The following CSGALNACT1 variants were observed in gnomAD, a reference collection of about 807,000 sequenced individuals.
CSGALNACT1 encodes the protein chondroitin sulfate N-acetylgalactosaminyltransferase 1.
Under a neutral mutation model 51.0 loss-of-function variants are expected in CSGALNACT1, and 52 were observed. The observed-to-expected ratio is 1.02, with a 90% CI of 0.82 to 1.29. CSGALNACT1 has a LOEUF of 1.29. Ranked by LOEUF, CSGALNACT1 falls within the 50% of genes most tolerant of loss-of-function variation. CSGALNACT1 has a pLI of 0.00. For missense variants in CSGALNACT1, 935 were observed against 679.2 expected (o/e 1.38, Z -4.19); for synonymous variants, 341 against 254.4 (o/e 1.34, Z -3.24).
At chr8:19,469,022 G>C (rs1395381089) in intron 4 of CSGALNACT1, among the ~76,000 whole-genome samples, 1 of 152,074 alleles carries the variant, frequency 6.6e-6, no homozygotes, top group Admixed American at 6.6e-5. Context: ...CAGCATCAAG[G>C]AACCCAACAG....
intron 3 of CSGALNACT1, among the ~76,000 whole-genome samples, chr8:19,586,884 T>C (rs2046781894): frequency 6.6e-6 from 1 of 152,210 alleles, no homozygotes; most frequent in Non-Finnish European, 1.5e-5. Flanking sequence ...CATTACATAG[T>C]ATTTTCCCAA....
chr8:19,568,179 A>C (rs1295838998), intron 3 of CSGALNACT1, among the ~76,000 whole-genome samples: 3 of 152,216 alleles, frequency 2.0e-5, no homozygotes, highest in Non-Finnish European at 2.9e-5. Flanking sequence ...TTAATCATGC[A>C]AACATCATAT....
At chr8:19,418,933 G>T (rs1388478587) in intron 7 of CSGALNACT1, among the ~76,000 whole-genome samples, 183 bp from the exon 7 acceptor site, 1 of 151,978 alleles carries the variant, frequency 6.6e-6, no homozygotes, top group Non-Finnish European at 1.5e-5. Context: ...TGCAATCTCT[G>T]CCTCCTGGGT....
chr8:19,651,344 G>A (rs1324300549), intron 1 of CSGALNACT1, among the ~76,000 whole-genome samples: 1 of 151,996 alleles, frequency 6.6e-6, no homozygotes, highest in Non-Finnish European at 1.5e-5. Context: ...CAGACATTCT[G>A]TACACAGATT....
At chr8:19,605,387 G>C (rs2051225307), upstream of CSGALNACT1, among the ~76,000 whole-genome samples, 1 of 152,202 alleles carries the variant, frequency 6.6e-6, no homozygotes, top group African/African-American at 2.4e-5. Context: ...AGTGAGCTGA[G>C]ACGGTGCCAC....
chr8:19,515,873 G>A (rs1028113514), intron 3 of CSGALNACT1, among the ~76,000 whole-genome samples: 1 of 152,164 alleles, frequency 6.6e-6, no homozygotes, highest in Non-Finnish European at 1.5e-5. Flanking sequence ...GGCATGGGTG[G>A]TGGTCATGGA....
At chr8:19,662,563 G>C (rs1223110675) in intron 1 of CSGALNACT1, among the ~76,000 whole-genome samples, 2 of 152,152 alleles carry the variant, frequency 1.3e-5, no homozygotes, top group African/African-American at 2.4e-5. Context: ...TGCTTTACTA[G>C]GAAGCAGTGT....
At chr8:19,686,492 T>A (rs185997793), upstream of CSGALNACT1, among the ~76,000 whole-genome samples, 1 of 152,142 alleles carries the variant, frequency 6.6e-6, no homozygotes. Context: ...TCCAGTGAAA[T>A]GCACCCAGCT....
intron 3 of CSGALNACT1, among the ~76,000 whole-genome samples, chr8:19,512,594 G>C (rs938982245): frequency 1.3e-5 from 2 of 152,028 alleles, no homozygotes; most frequent in African/African-American, 4.8e-5. Context: ...CTCCTATGAT[G>C]CAATAATCTT....
At chr8:19,487,821 T>C (rs2073352605) in intron 4 of CSGALNACT1, among the ~76,000 whole-genome samples, 1 of 152,028 alleles carries the variant, frequency 6.6e-6, no homozygotes, top group Non-Finnish European at 1.5e-5. Context: ...AGCTCTCTAG[T>C]CAAAGGCAGC....
Position 19,452,803 on chromosome 8 carries a change from G to A in CSGALNACT1, c.851+5623C>T, listed in dbSNP as rs144192030. Among the ~76,000 whole-genome samples the A allele has an allele frequency of 2.6e-3, 398 of 152,104 alleles. 1 individual carries two copies. The highest frequency in any genetic ancestry group is 9.4e-3 in the African/African-American group (388 of 41,492). ...ATTCCCCCTACACCAAGCGAGCCGG[G>A]CAAAACTCACATATCCATCCCAGGG... On this transcript the variant is annotated intron_variant, in intron 5 of 9. Transcript: ENST00000454498.
chr8:19,706,375 A>T (rs2062164720), intron 1 of CSGALNACT1, among the ~76,000 whole-genome samples: 1 of 152,218 alleles, frequency 6.6e-6, no homozygotes, highest in African/African-American at 2.4e-5. Flanking sequence ...GTTACTTCCT[A>T]AAAGGAAAAC....
intron 4 of CSGALNACT1, among the ~76,000 whole-genome samples, chr8:19,487,137 A>G (rs1250242227): frequency 6.6e-6 from 1 of 152,204 alleles, no homozygotes; most frequent in African/African-American, 2.4e-5. Flanking sequence ...TGACAACTCT[A>G]AAGAGCTTAA....
chr8:19,691,249 GGTTCCTGGGAA>G (rs1296177866), intron 1 of CSGALNACT1, among the ~76,000 whole-genome samples: 1 of 152,148 alleles, frequency 6.6e-6, no homozygotes, highest in Non-Finnish European at 1.5e-5. Context: ...GGTCAAGCTG[GGTTCCTGGGAA>G]GTTCCCCATA....
At chr8:19,553,823 G>C (rs1023240596) in intron 3 of CSGALNACT1, among the ~76,000 whole-genome samples, 3 of 151,330 alleles carry the variant, frequency 2.0e-5, no homozygotes, top group Non-Finnish European at 4.4e-5. Flanking sequence ...TTCTCAGAGA[G>C]CTGAGAAAAC....
chr8:19,530,338 ACG>A (rs1554671513), intron 3 of CSGALNACT1, among the ~76,000 whole-genome samples: 2 of 151,516 alleles, frequency 1.3e-5, no homozygotes, highest in Admixed American at 1.3e-4. Context: ...ACACACACAC[ACG>A]CACACAAGTA....
At chr8:19,685,728 G>T (rs1314673706), upstream of CSGALNACT1, among the ~76,000 whole-genome samples, 2 of 152,118 alleles carry the variant, frequency 1.3e-5, no homozygotes, top group Non-Finnish European at 2.9e-5. Flanking sequence ...CCTGCTTCTA[G>T]GCCATCATTC....
chr8:19,556,641 T>TGCAAGCTTCTATCTGCTGCAAGCAGGC (rs993751238), intron 3 of CSGALNACT1, among the ~76,000 whole-genome samples: 3 of 152,144 alleles, frequency 2.0e-5, no homozygotes, highest in African/African-American at 7.2e-5. Flanking sequence ...CTGTTCTGTA[T>TGCAAGCTTCTATCTGCTGCAAGCAGGC]GCAAGCTTCT....
chr8:19,570,833 A>G (rs1004038527), intron 3 of CSGALNACT1, among the ~76,000 whole-genome samples: 2 of 152,092 alleles, frequency 1.3e-5, no homozygotes, highest in Admixed American at 1.3e-4. Context: ...GCTTGAACCC[A>G]GGAGGCACAG....
Sources: allele counts gnomAD v4.1 joint callset (sites outside exome capture counted in the v4.1 genomes callset), GRCh38; gene constraint gnomAD v4.1.1; transcripts MANE v1.5; gene names NCBI Gene and HGNC (gene_info 2026-07-23, HGNC 2026-07-21).